The following TNIK variants were observed in gnomAD, a reference collection of about 807,000 sequenced individuals.
TNIK encodes TRAF2 and NCK-interacting protein kinase.
TNIK carries 49 observed loss-of-function variants against 191.3 expected under a neutral mutation model. That is an observed-to-expected ratio of 0.26 (90% CI 0.20 to 0.32). The LOEUF (loss-of-function observed/expected upper bound fraction) is 0.32. Ranked by LOEUF, TNIK falls within the 10% of genes least tolerant of loss-of-function variation. TNIK has a pLI of 1.00. For missense variants in TNIK, 1,155 were observed against 1,702.3 expected, an observed-to-expected ratio of 0.68 and a Z score of 5.66; for synonymous variants, 594 against 600.9, an observed-to-expected ratio of 0.99 and a Z score of 0.17.
At chr3:171,148,654 A>G (rs34323158) in intron 12 of TNIK, among the ~76,000 whole-genome samples, 2,093 of 152,312 alleles carry the variant, frequency 0.014, 33 homozygotes, top group African/African-American at 0.047. Flanking sequence ...TACTCCCGAG[A>G]TGATACTAAA....
chr3:171,304,754 A>G (rs1577410848), intron 2 of TNIK, among the ~76,000 whole-genome samples: 2 of 152,020 alleles, frequency 1.3e-5, no homozygotes, highest in South Asian at 2.1e-4. Context: ...GCAAACTATC[A>G]CAAGGACAAA....
chr3:171,198,902 G>A (rs1219033365), intron 4 of TNIK, among the ~76,000 whole-genome samples: 1 of 152,136 alleles, frequency 6.6e-6, no homozygotes, highest in Admixed American at 6.5e-5. Context: ...CATTGACCAG[G>A]CCTCCTGTGA....
intron 2 of TNIK, among the ~76,000 whole-genome samples, chr3:171,334,224 A>G (rs1230953276): frequency 1.3e-5 from 2 of 152,204 alleles, no homozygotes; most frequent in East Asian, 3.8e-4. Context: ...GGCTTTTAGG[A>G]AAATCACCCA....
In TNIK at chr3:171,416,177, G is replaced by A. The variant is rs537692713; in HGVS notation, c.57+43830C>T. Among the ~76,000 whole-genome samples the A allele has an allele frequency of 5.9e-5, 9 of 151,966 alleles. No homozygotes were observed. In the South Asian group the frequency reaches 1.9e-3, roughly 32 times the overall value. On this transcript the variant is annotated intron_variant, in intron 1 of 32. Transcript: ENST00000436636. ...CCTAGGCTATCTTTTTGAGAAGAAG[G>A]TCCAAGTTATTTCCTGGATTTTTGC...
At chr3:171,237,719 C>G (rs997923187) in intron 2 of TNIK, among the ~76,000 whole-genome samples, 1 of 152,032 alleles carries the variant, frequency 6.6e-6, no homozygotes, top group Non-Finnish European at 1.5e-5. Context: ...GCCAGGAACT[C>G]GAGACCAGCC....
At chr3:171,151,327 C>T (rs1017579791) in intron 12 of TNIK, among the ~76,000 whole-genome samples, 5 of 152,072 alleles carry the variant, frequency 3.3e-5, no homozygotes, top group Non-Finnish European at 4.4e-5. Context: ...ATATTCTTCC[C>T]GAAGCATAGA....
chr3:171,423,469 T>C (rs1278370117), intron 1 of TNIK, among the ~76,000 whole-genome samples: 3 of 152,164 alleles, frequency 2.0e-5, no homozygotes, highest in Non-Finnish European at 4.4e-5. Context: ...CTTCACAGAA[T>C]TGGAAAAAAC....
intron 2 of TNIK, among the ~76,000 whole-genome samples, chr3:171,290,196 A>C (rs1368554757): frequency 6.6e-6 from 1 of 152,218 alleles, no homozygotes; most frequent in Admixed American, 6.5e-5. Flanking sequence ...CCTGCAACTT[A>C]TTATTCCCAG....
intron 9 of TNIK, among the ~76,000 whole-genome samples, chr3:171,174,514 G>A (rs565970724): frequency 4.8e-4 from 73 of 152,264 alleles, no homozygotes; most frequent in African/African-American, 1.7e-3. Flanking sequence ...AATAAGATAG[G>A]AAGATCCCAA....
chr3:171,382,782 T>C (rs1718212164), intron 1 of TNIK, among the ~76,000 whole-genome samples: 1 of 152,206 alleles, frequency 6.6e-6, no homozygotes, highest in South Asian at 2.1e-4. Flanking sequence ...ACTCTAGGCA[T>C]GTGGCATGGT....
At chr3:171,145,060 A>G (rs888810483) in intron 12 of TNIK, among the ~76,000 whole-genome samples, 2 of 151,416 alleles carry the variant, frequency 1.3e-5, no homozygotes, top group Admixed American at 1.3e-4. Context: ...TAGTGCTGCA[A>G]TAAACAAAGG....
chr3:171,330,422 T>C (rs2108363490), intron 2 of TNIK, among the ~76,000 whole-genome samples: 1 of 152,362 alleles, frequency 6.6e-6, no homozygotes, highest in Non-Finnish European at 1.5e-5. Context: ...CAAAGATTAA[T>C]GATAGCCAAC....
chr3:171,219,346 A>G (rs912628335), intron 3 of TNIK, among the ~76,000 whole-genome samples: 25 of 145,784 alleles, frequency 1.7e-4, no homozygotes, highest in Admixed American at 1.1e-3. Flanking sequence ...ATATCATTTT[A>G]TATATAATGA....
chr3:171,140,551 C>G (rs201009111), intron 12 of TNIK, 42 bp from the exon 13 acceptor site: 1 of 1,590,262 alleles, frequency 6.3e-7, no homozygotes, highest in Non-Finnish European at 8.6e-7. Flanking sequence ...CAACAGGCCC[C>G]GGTGGGGGGT....
intron 1 of TNIK, among the ~76,000 whole-genome samples, chr3:171,381,975 T>A (rs995209110): frequency 6.6e-6 from 1 of 152,226 alleles, no homozygotes; most frequent in Non-Finnish European, 1.5e-5. Flanking sequence ...ATGCTACCGC[T>A]AAGCTGCCTA....
chr3:171,134,261 A>G (rs1312857344), intron 15 of TNIK, among the ~76,000 whole-genome samples: 2 of 152,244 alleles, frequency 1.3e-5, no homozygotes, highest in Non-Finnish European at 2.9e-5. Flanking sequence ...ATTTGAAAGC[A>G]GTGAGAATGC....
At chr3:171,164,229 A>T (rs904167152) in intron 10 of TNIK, among the ~76,000 whole-genome samples, 1 of 152,230 alleles carries the variant, frequency 6.6e-6, no homozygotes, top group Non-Finnish European at 1.5e-5. Flanking sequence ...TCTTCATGGC[A>T]TGGTGAGTTC....
At chr3:171,375,204 G>A (rs1265112984) in intron 1 of TNIK, among the ~76,000 whole-genome samples, 1 of 152,170 alleles carries the variant, frequency 6.6e-6, no homozygotes, top group Non-Finnish European at 1.5e-5. Flanking sequence ...GGCCTGATAT[G>A]TAATAGGACT....
At chr3:171,424,749 C>A (rs1396440439) in intron 1 of TNIK, among the ~76,000 whole-genome samples, 1 of 147,352 alleles carries the variant, frequency 6.8e-6, no homozygotes, top group Non-Finnish European at 1.5e-5. Flanking sequence ...AACCAAACAC[C>A]GCATGTTATC....
Sources: gnomAD v4.1 joint callset for allele counts (sites outside exome capture counted in the v4.1 genomes callset) on GRCh38, gnomAD v4.1.1 for gene constraint, MANE v1.5 for transcripts, NCBI Gene and HGNC (gene_info 2026-07-23, HGNC 2026-07-21) for gene names.